Variants in COL28A1 observed in about 807,000 individuals in gnomAD.
COL28A1 encodes the protein collagen type XXVIII alpha 1 chain, also known as collagen alpha-1(XXVIII) chain.
A neutral mutation model predicts 150.2 loss-of-function variants in COL28A1; 161 were observed. That is an observed-to-expected ratio of 1.07 (90% confidence interval 0.94 to 1.22). The LOEUF is 1.22. COL28A1 is among the 50% of genes most tolerant of loss of function. The pLI is 0.00. For missense variants in COL28A1, 1,617 were observed against 1,388.3 expected, an observed-to-expected ratio of 1.16 and a Z score of -2.62; for synonymous variants, 552 against 469.7, an observed-to-expected ratio of 1.18 and a Z score of -2.26.
intron 4 of COL28A1, 157 bp from the exon 5 acceptor site, chr7:7,522,118 C>A: frequency 1.5e-6 from 1 of 684,664 alleles, no homozygotes; most frequent in Non-Finnish European, 2.7e-6. Context: ...GGAGCACTCT[C>A]AAAGAAATTT....
At chr7:7,398,961 A>T (rs1783006691) in intron 27 of COL28A1, among the ~76,000 whole-genome samples, 1 of 151,942 alleles carries the variant, frequency 6.6e-6, no homozygotes, top group African/African-American at 2.4e-5. Context: ...CCTTACTTTT[A>T]CCTTCATGTT....
At chr7:7,346,039 C>T in the COL28A1 span, among the ~76,000 whole-genome samples, 1 of 151,918 alleles carries the variant, frequency 6.6e-6, no homozygotes, top group East Asian at 1.9e-4. Flanking sequence ...TTCATGTGAT[C>T]CTGAGCTTTA....
chr7:7,369,514 T>C (rs1010659642), intron 33 of COL28A1, among the ~76,000 whole-genome samples: 3 of 152,222 alleles, frequency 2.0e-5, no homozygotes, highest in Non-Finnish European at 4.4e-5. Context: ...GTATAGACCA[T>C]GGAGTATAAA....
rs1220415046 is a variant in COL28A1, at chr7:7,480,535, T to TCACATACTTTAACAAAGAAAA, written c.1165-3376_1165-3356dup. Among the ~76,000 whole-genome samples the TCACATACTTTAACAAAGAAAA allele has an allele frequency of 1.3e-3, 205 of 152,166 alleles. 2 individuals are homozygous for TCACATACTTTAACAAAGAAAA. Among genetic ancestry groups the TCACATACTTTAACAAAGAAAA allele is most frequent in the Non-Finnish European group, 1.9e-3 (132 of 68,000 alleles). On this transcript the variant is annotated intron_variant, in intron 13 of 34. Transcript: ENST00000399429. ...CTAAACCAAAAGTGCCAAGCCAACATCACATACTTTAACAAAGAAAACACA... is the reference window on the plus strand; with the variant it reads ...CTAAACCAAAAGTGCCAAGCCAACATCACATACTTTAACAAAGAAAACACATACTTTAACAAAGAAAACACA...
chr7:7,416,064 C>T (rs1191678590), intron 27 of COL28A1, among the ~76,000 whole-genome samples: 1 of 152,150 alleles, frequency 6.6e-6, no homozygotes, highest in Admixed American at 6.5e-5. Flanking sequence ...TGGCCTCCCA[C>T]AGTGCTGAGA....
intron 27 of COL28A1, among the ~76,000 whole-genome samples, chr7:7,383,021 T>C (rs1781952024): frequency 6.6e-6 from 1 of 152,100 alleles, no homozygotes; most frequent in Admixed American, 6.6e-5. Flanking sequence ...GGGCCTATTC[T>C]CTTTTAAATT....
intron 13 of COL28A1, among the ~76,000 whole-genome samples, chr7:7,485,012 T>G (rs76765218): frequency 0.016 from 2,501 of 152,178 alleles, 63 homozygotes; most frequent in African/African-American, 0.057. Flanking sequence ...ATGGATAAAT[T>G]GCCTATCAGG....
At chr7:7,408,924 T>C (rs1345298626) in intron 27 of COL28A1, among the ~76,000 whole-genome samples, 1 of 152,148 alleles carries the variant, frequency 6.6e-6, no homozygotes, top group East Asian at 1.9e-4. Context: ...CTAACATTTA[T>C]TCTGATTTGA....
At chr7:7,476,244 G>A (rs903107446) in intron 14 of COL28A1, among the ~76,000 whole-genome samples, 1 of 152,098 alleles carries the variant, frequency 6.6e-6, no homozygotes, top group African/African-American at 2.4e-5. Context: ...AAAGGAAGAA[G>A]GACTCCAAAA....
chr7:7,467,656 T>C (rs1287276017), intron 15 of COL28A1, among the ~76,000 whole-genome samples: 3 of 38,066 alleles, frequency 7.9e-5, no homozygotes, highest in Non-Finnish European at 1.3e-4. Context: ...GAATATACAT[T>C]TTTTTCAGCA....
intron 27 of COL28A1, among the ~76,000 whole-genome samples, chr7:7,384,981 G>C (rs1445732454): frequency 5.3e-5 from 8 of 152,182 alleles, no homozygotes; most frequent in Non-Finnish European, 1.5e-5. Context: ...TCTAATAGGA[G>C]TGGATCTGCA....
At chr7:7,447,205 A>G in intron 18 of COL28A1, among the ~76,000 whole-genome samples, 1 of 152,206 alleles carries the variant, frequency 6.6e-6, no homozygotes, top group East Asian at 1.9e-4. Context: ...CAAGTAACTA[A>G]AAAACATCCA....
At chr7:7,498,994 C>T (rs1410971163) in intron 11 of COL28A1, among the ~76,000 whole-genome samples, 2 of 152,092 alleles carry the variant, frequency 1.3e-5, no homozygotes, top group East Asian at 3.9e-4. Flanking sequence ...AATCATCTAC[C>T]TTGAAGCTAT....
chr7:7,401,864 CTGA>C (rs1783225367), intron 27 of COL28A1, among the ~76,000 whole-genome samples: 2 of 152,210 alleles, frequency 1.3e-5, no homozygotes, highest in African/African-American at 4.8e-5. Flanking sequence ...CAAATTGTCA[CTGA>C]CGTTCCTCAA....
the COL28A1 span, among the ~76,000 whole-genome samples, chr7:7,348,528 T>C: frequency 6.6e-6 from 1 of 152,138 alleles, no homozygotes; most frequent in Non-Finnish European, 1.5e-5. Context: ...ATTTAAAAGC[T>C]TTATTGAGCT....
At chr7:7,427,699 T>C (rs1444006278) in intron 25 of COL28A1, among the ~76,000 whole-genome samples, 1 of 152,238 alleles carries the variant, frequency 6.6e-6, no homozygotes, top group Non-Finnish European at 1.5e-5. Context: ...ATAAAGCATG[T>C]ATTTACAATA....
intron 22 of COL28A1, among the ~76,000 whole-genome samples, chr7:7,436,857 T>A (rs900908411): frequency 6.6e-6 from 1 of 152,076 alleles, no homozygotes; most frequent in South Asian, 2.1e-4. Flanking sequence ...CCGGCCAACA[T>A]GGCAAAACCC....
At chr7:7,368,389 G>GGT (rs1554259585) in intron 33 of COL28A1, among the ~76,000 whole-genome samples, 1 of 150,126 alleles carries the variant, frequency 6.7e-6, no homozygotes, top group African/African-American at 2.5e-5. Flanking sequence ...TTTGCCTACT[G>GGT]TTTTTTTTGT....
intron 27 of COL28A1, among the ~76,000 whole-genome samples, chr7:7,383,682 G>GTGTATATATATATATA (rs1554262302): frequency 6.4e-5 from 8 of 124,092 alleles, no homozygotes; most frequent in South Asian, 2.7e-4. Context: ...GTGTGTGTGT[G>GTGTATATATATATATA]TATATATATA....
Sources: allele counts gnomAD v4.1 joint callset (sites outside exome capture counted in the v4.1 genomes callset), GRCh38; gene constraint gnomAD v4.1.1; transcripts MANE v1.5; gene names NCBI Gene and HGNC (gene_info 2026-07-23, HGNC 2026-07-21).